SEPTIN9: variants seen among roughly 807,000 people sequenced by gnomAD.
The protein encoded by SEPTIN9 is septin-9.
Under a neutral mutation model 56.6 loss-of-function variants are expected in SEPTIN9, and 13 were observed. The observed-to-expected ratio is 0.23, with a 90% CI of 0.15 to 0.37. The LOEUF (loss-of-function observed/expected upper bound fraction) is 0.37. Ranked by LOEUF, SEPTIN9 falls within the 10% of genes least tolerant of loss-of-function variation. SEPTIN9 has a pLI of 1.00. For synonymous variants in SEPTIN9, 332 were observed against 334.1 expected (o/e 0.99, Z 0.07); for missense variants, 650 against 823.1 (o/e 0.79, Z 2.57).
At position 77,323,177 on chromosome 17, in the gene SEPTIN9, C is replaced by T. The variant is rs889195564; in HGVS notation, c.76+15980C>T. Among the ~76,000 whole-genome samples the T allele has an allele frequency of 6.3e-4, 96 of 152,088 alleles. No homozygotes were observed. The highest frequency in any genetic ancestry group is 1.3e-3 in the Non-Finnish European group (87 of 68,014). On this transcript the variant is annotated intron_variant, in intron 2 of 11. Coordinates refer to ENST00000427177, the MANE Select transcript of SEPTIN9 (RefSeq NM_001113491.2). This position sits in a 1 kb window ranked among gnomAD's most constrained non-coding sequence, Gnocchi z 6.8. ...GTGAACGGGGGCCTGGGTACTCTCC[C>T]GCCCTCCCTGGGGGCTGTGGCCTTC...
At position 77,425,738 on chromosome 17, in the gene SEPTIN9, C is replaced by T. The variant is rs1246084254; in HGVS notation, c.721+23035C>T. On this transcript the variant is annotated intron_variant, in intron 3 of 11. Transcript: ENST00000427177. This position sits in a 1 kb window ranked among gnomAD's most constrained non-coding sequence, Gnocchi z 4.2. ...TTGGGAGGCTAAGAGGAAGCTGCCC[C>T]CCGCTCATCTACCCCCCAACCCTCC... Among the ~76,000 whole-genome samples the T allele has an allele frequency of 6.6e-6, 1 of 150,954 alleles. No individual in the cohort carries two copies. The highest frequency in any genetic ancestry group is 1.5e-5 in the Non-Finnish European group (1 of 67,882).
chr17:77,402,265 C>T lies in SEPTIN9; in HGVS notation c.283C>T (p.Leu95Phe), dbSNP rs891414719. Residue 95 changes from leucine (L) to phenylalanine (F), a missense_variant, in exon 3 of 12, where the codon CTC (leucine) becomes TTC (phenylalanine). Physicochemically the swap from Leu to Phe is conservative, Grantham distance 22. Around this residue, in one of 2 missense-constraint regions of SEPTIN9, gnomAD observed 317 missense variants for 329.1 expected, o/e 0.96. Transcript: ENST00000427177. The surrounding 1 kb of genome is among the most constrained non-coding windows in gnomAD (Gnocchi z 6.6). ...SPKASLRRVE[L>F]SGPKAAEPVS... ...CAAGGCGTCCCTGCGGAGGGTGGAG[C>T]TCTCGGGCCCCAAGGCGGCCGAGCC... The T allele has an allele frequency of 2.5e-6, 4 of 1,612,598 alleles. No homozygotes were observed. In the South Asian group the frequency reaches 4.4e-5, roughly 18 times the overall value.
intron 3 of SEPTIN9, chr17:77,466,328 C>G: frequency 1.1e-6 from 1 of 949,552 alleles, no homozygotes; most frequent in Non-Finnish European, 1.3e-6. Flanking sequence ...TGGTCAGGCC[C>G]GGGCCAGGCC....
At chr17:77,466,955 G>T (rs1440022787) in intron 3 of SEPTIN9, among the ~76,000 whole-genome samples, 1 of 152,178 alleles carries the variant, frequency 6.6e-6, no homozygotes, top group Admixed American at 6.5e-5. Flanking sequence ...GCTGGGCTCT[G>T]TGGGGGTCAG....
At chr17:77,467,581 C>T (rs1485633334) in intron 3 of SEPTIN9, among the ~76,000 whole-genome samples, 1 of 152,226 alleles carries the variant, frequency 6.6e-6, no homozygotes, top group East Asian at 1.9e-4. Flanking sequence ...ATTTCCTGAA[C>T]CGGCCTCCCA....
rs574070358 is a variant in SEPTIN9, at chr17:77,447,206, C to T, written c.722-34938C>T. On this transcript the variant is annotated intron_variant, in intron 3 of 11. Transcript: ENST00000427177. ...TGGAAGGATATCCATGCGGGGAGGC[C>T]GGCGTGTGGAGTGCGTAGGCCTCCG... 3.6e-5 allele frequency: 6 copies of T among 167,160 alleles called. No homozygotes were observed. The East Asian group carries it at 7.7e-4, about 21-fold the overall frequency. 10.4% of individuals were successfully genotyped at this position (167,160 alleles called of 1,614,324 possible).
In SEPTIN9 at chr17:77,319,424, C is replaced by T. The variant is rs918403151; in HGVS notation, c.76+12227C>T. 6.1e-6 allele frequency: 3 copies of T among 495,260 alleles called. No individual in the cohort carries two copies. The highest frequency in any genetic ancestry group is 9.0e-5 in the South Asian group (1 of 11,152). 30.7% of individuals were successfully genotyped at this position (495,260 alleles called of 1,614,324 possible). A position where few individuals can be genotyped will look rare whatever the true frequency, so the allele number is the denominator to read the frequency against. ...AGACTCGCTCCCTCCCAGGGGACGG[C>T]TAGAGACTCACTGACTCATGCGTGT... On this transcript the variant is annotated intron_variant, in intron 2 of 11. Transcript: ENST00000427177. This position sits in a 1 kb window ranked among gnomAD's most constrained non-coding sequence, Gnocchi z 5.3.
rs922439903 is a variant in SEPTIN9, at chr17:77,330,068, G to C, written c.76+22871G>C. On this transcript the variant is annotated intron_variant, in intron 2 of 11. Coordinates refer to ENST00000427177, the MANE Select transcript of SEPTIN9 (RefSeq NM_001113491.2). The surrounding 1 kb of genome is among the most constrained non-coding windows in gnomAD (Gnocchi z 4.4). ...CTGCTTCCTTCCTCTCCCTCGGAAT[G>C]GGGGGTGGACACTCCAAGACTAGCC... 1.3e-5 allele frequency among the ~76,000 whole-genome samples: 2 copies of C among 152,192 alleles called. No individual in the cohort carries two copies. The highest frequency in any genetic ancestry group is 1.9e-4 in the East Asian group (1 of 5,196).
At chr17:77,388,345 A>G (rs2035411782) in intron 2 of SEPTIN9, among the ~76,000 whole-genome samples, 1 of 151,964 alleles carries the variant, frequency 6.6e-6, no homozygotes, top group African/African-American at 2.4e-5. Flanking sequence ...TTCTGCGTCC[A>G]GTTGCGGCCC....
chr17:77,485,687 G>A (rs1471216588), intron 4 of SEPTIN9, among the ~76,000 whole-genome samples: 3 of 152,114 alleles, frequency 2.0e-5, no homozygotes, highest in Non-Finnish European at 4.4e-5. Context: ...CAGACCTGGT[G>A]GACAGAGAGA....
rs1306721772 is a variant in SEPTIN9 at position 77,434,998 on chromosome 17, G to A, written c.721+32295G>A. 1.3e-5 allele frequency among the ~76,000 whole-genome samples: 2 copies of A among 152,170 alleles called. No individual in the cohort carries two copies. Among genetic ancestry groups the A allele is most frequent in the Non-Finnish European group, 2.9e-5 (2 of 68,026 alleles). ...TGGCAACCGTGGCAGGAGTGGTGAT[G>A]TCCGATGATGGTAACAAGGGCTTCC... On this transcript the variant is annotated intron_variant, in intron 3 of 11. Transcript: ENST00000427177. This position sits in a 1 kb window ranked among gnomAD's most constrained non-coding sequence, Gnocchi z 5.0.
chr17:77,304,827 G>A (rs147452255), intron 1 of SEPTIN9, among the ~76,000 whole-genome samples: 6 of 152,264 alleles, frequency 3.9e-5, no homozygotes, highest in African/African-American at 1.2e-4. Context: ...CCCCGTGTGC[G>A]TTATATGCAG....
chr17:77,492,586 A>C lies in SEPTIN9; in HGVS notation c.1381-35A>C, dbSNP rs1309218141. On this transcript the variant is annotated intron_variant, in intron 8 of 11. Transcript: ENST00000427177. This position sits in a 1 kb window ranked among gnomAD's most constrained non-coding sequence, Gnocchi z 5.4. The stretch of plus-strand genomic sequence containing the variant: ...CCAGTGGGTGGGTAGAGCTTGCCAC[A>C]GGGATGGGCCCATCTCTCTCCCTCC... The C allele has an allele frequency of 6.3e-7, 1 of 1,592,228 alleles. No individual in the cohort carries two copies. Among genetic ancestry groups the C allele is most frequent in the Non-Finnish European group, 8.6e-7 (1 of 1,160,346 alleles).
intron 2 of SEPTIN9, among the ~76,000 whole-genome samples, chr17:77,359,122 A>C (rs1463248499): frequency 2.0e-5 from 3 of 152,226 alleles, no homozygotes; most frequent in Middle Eastern, 3.4e-3. Context: ...TGAAAGTTAA[A>C]CACTTCAGCT....
At chr17:77,477,497 CT>C (rs2039265658) in intron 3 of SEPTIN9, among the ~76,000 whole-genome samples, 1 of 152,246 alleles carries the variant, frequency 6.6e-6, no homozygotes, top group South Asian at 2.1e-4. Context: ...AAATAGTCCG[CT>C]GTGTTGACTC....
chr17:77,484,487 GTGATGA>G (rs568963333), intron 4 of SEPTIN9, among the ~76,000 whole-genome samples: 1 of 139,254 alleles, frequency 7.2e-6, no homozygotes, highest in African/African-American at 2.9e-5. Flanking sequence ...GATGATGGTG[GTGATGA>G]TGGTGATTGT....
intron 1 of SEPTIN9, among the ~76,000 whole-genome samples, chr17:77,304,813 G>A (rs1046894113): frequency 2.6e-5 from 4 of 152,190 alleles, no homozygotes; most frequent in African/African-American, 7.2e-5. Context: ...ACAGGGGATA[G>A]TGACCCCGTG....
chr17:77,322,360 G>A (rs139941025), intron 2 of SEPTIN9, among the ~76,000 whole-genome samples: 6 of 152,348 alleles, frequency 3.9e-5, no homozygotes, highest in East Asian at 1.9e-4. Flanking sequence ...GGGATGAAGC[G>A]GGGACCTCCC....
At position 77,310,057 on chromosome 17, in the gene SEPTIN9, CA is replaced by C. The variant is rs2032430490; in HGVS notation, c.76+2862del. On this transcript the variant is annotated intron_variant, in intron 2 of 11. Transcript: ENST00000427177. This position sits in a 1 kb window ranked among gnomAD's most constrained non-coding sequence, Gnocchi z 4.7. Reference sequence around the variant, plus strand: ...GCAGTGGCACCATCTCGGCTCACTGCAACCTCTGCCTCCTGGGTTCAAGCGA... The same window carrying C: ...GCAGTGGCACCATCTCGGCTCACTGCACCTCTGCCTCCTGGGTTCAAGCGA... 6.6e-6 allele frequency among the ~76,000 whole-genome samples: 1 copy of C among 152,064 alleles called. No individual in the cohort carries two copies. The highest frequency in any genetic ancestry group is 1.5e-5 in the Non-Finnish European group (1 of 68,014).
Sources: gnomAD v4.1 joint callset for allele counts (sites outside exome capture counted in the v4.1 genomes callset) on GRCh38, gnomAD v4.1.1 for gene constraint, gnomAD v4.1.1 regional missense constraint, Gnocchi (gnomAD v3.1) non-coding constraint, MANE v1.5 for transcripts, NCBI Gene and HGNC (gene_info 2026-07-23, HGNC 2026-07-21) for gene names.